PRKCA: variants seen among roughly 807,000 people sequenced by gnomAD.
PRKCA encodes protein kinase C alpha type.
A neutral mutation model predicts 87.0 loss-of-function variants in PRKCA; 27 were observed. That is an observed-to-expected ratio of 0.31 (90% CI 0.23 to 0.43). The LOEUF (loss-of-function observed/expected upper bound fraction) is 0.43, where lower values mean the gene tolerates loss of function less well. Among genes scored for constraint, PRKCA ranks in the 20% least tolerant of loss-of-function variants. PRKCA has a pLI of 1.00. For synonymous variants in PRKCA, 329 were observed against 311.1 expected, an observed-to-expected ratio of 1.06 and a Z score of -0.61; for missense variants, 518 against 852.3, an observed-to-expected ratio of 0.61 and a Z score of 4.88.
intron 2 of PRKCA, among the ~76,000 whole-genome samples, chr17:66,307,370 T>G (rs956948142): frequency 2.0e-5 from 3 of 152,172 alleles, no homozygotes; most frequent in African/African-American, 7.2e-5. Context: ...GCCTGAACTT[T>G]ATGGGTGAGA....
chr17:66,746,552 G>A (rs1974290876), intron 13 of PRKCA, among the ~76,000 whole-genome samples: 1 of 152,146 alleles, frequency 6.6e-6, no homozygotes, highest in South Asian at 2.1e-4. Context: ...TCATTATCTT[G>A]CATGGCATTC....
intron 11 of PRKCA, among the ~76,000 whole-genome samples, chr17:66,739,823 G>A (rs7220855): frequency 6.6e-6 from 1 of 152,114 alleles, no homozygotes; most frequent in African/African-American, 2.4e-5. Flanking sequence ...TAAGGAGCCT[G>A]GCTGTGGAGG....
At chr17:66,365,823 T>C (rs1298955241) in intron 2 of PRKCA, among the ~76,000 whole-genome samples, 1 of 152,234 alleles carries the variant, frequency 6.6e-6, no homozygotes, top group East Asian at 1.9e-4. Flanking sequence ...AAATGATTTA[T>C]TATGCACCAA....
Position 66,754,572 on chromosome 17 carries a change from A to G in PRKCA, c.1524+11812A>G, listed in dbSNP as rs143563827. Among the ~76,000 whole-genome samples, 28 of 152,298 alleles carry G rather than the reference A, an allele frequency of 1.8e-4. 1 individual carries two copies. The highest frequency in any genetic ancestry group is 3.5e-4 in the Non-Finnish European group (24 of 68,018). On this transcript the variant is annotated intron_variant, in intron 13 of 16. Transcript: ENST00000413366. ...CTGATTCACATTTGATTTATAGTCA[A>G]TATTACATTCTTAGTGCATCTCACC...
intron 3 of PRKCA, among the ~76,000 whole-genome samples, chr17:66,573,001 T>TTAA (rs1260956284): frequency 6.6e-6 from 1 of 152,112 alleles, no homozygotes; most frequent in Non-Finnish European, 1.5e-5. Flanking sequence ...TCTTGGGAAC[T>TTAA]TTTAAAAGTA....
At chr17:66,637,471 G>C (rs1440473823) in intron 3 of PRKCA, among the ~76,000 whole-genome samples, 1 of 152,100 alleles carries the variant, frequency 6.6e-6, no homozygotes, top group African/African-American at 2.4e-5. Flanking sequence ...TGGGATCCTG[G>C]CAAAAGTGGT....
At chr17:66,541,975 C>T (rs1376427759) in intron 3 of PRKCA, among the ~76,000 whole-genome samples, 1 of 152,196 alleles carries the variant, frequency 6.6e-6, no homozygotes, top group African/African-American at 2.4e-5. Context: ...TGATAACAAG[C>T]CACCACGTGG....
At chr17:66,749,805 G>A (rs779167807) in intron 13 of PRKCA, among the ~76,000 whole-genome samples, 1 of 152,156 alleles carries the variant, frequency 6.6e-6, no homozygotes, top group Non-Finnish European at 1.5e-5. Flanking sequence ...TCTTTAGCCA[G>A]GTGATTGGAA....
At chr17:66,491,508 G>A (rs890437606) in intron 2 of PRKCA, among the ~76,000 whole-genome samples, 2 of 152,188 alleles carry the variant, frequency 1.3e-5, no homozygotes, top group African/African-American at 4.8e-5. Flanking sequence ...AGGTCAGGCA[G>A]ATGTTTGTTG....
In PRKCA at chr17:66,804,113, A is replaced by G; in HGVS notation, c.*76A>G. ...TGGGAAGTGAATCCTTAACCCTAAAATTTTAAGGCCACGGCCTTGTGTCTG... is the reference window on the plus strand; with the variant it reads ...TGGGAAGTGAATCCTTAACCCTAAAGTTTTAAGGCCACGGCCTTGTGTCTG... On this transcript the variant is annotated 3_prime_UTR_variant, in exon 17 of 17. Coordinates refer to ENST00000413366, the MANE Select transcript of PRKCA (RefSeq NM_002737.3). 6.5e-7 allele frequency: 1 copy of G among 1,530,728 alleles called. No individual in the cohort carries two copies. The highest frequency in any genetic ancestry group is 8.8e-7 in the Non-Finnish European group (1 of 1,138,084). The allele number at this position is 1,530,728 out of a possible 1,614,324, so 94.8% of individuals were successfully genotyped here. A position where few individuals can be genotyped will look rare whatever the true frequency, so the allele number is the denominator to read the frequency against.
chr17:66,636,548 G>A (rs747432845), intron 3 of PRKCA, among the ~76,000 whole-genome samples: 6 of 152,210 alleles, frequency 3.9e-5, no homozygotes, highest in Non-Finnish European at 8.8e-5. Context: ...TATGAAGCCT[G>A]AGGGTGATTA....
chr17:66,529,514 G>T (rs1344023819), intron 3 of PRKCA, among the ~76,000 whole-genome samples: 1 of 152,138 alleles, frequency 6.6e-6, no homozygotes, highest in African/African-American at 2.4e-5. Context: ...ATCACTTGTG[G>T]GTGGAATTGA....
intron 2 of PRKCA, among the ~76,000 whole-genome samples, chr17:66,309,472 G>A (rs1904987180): frequency 6.6e-6 from 1 of 152,050 alleles, no homozygotes; most frequent in South Asian, 2.1e-4. Flanking sequence ...TGCAATATAG[G>A]TATACAATCC....
At chr17:66,482,669 T>C (rs900348319) in intron 2 of PRKCA, among the ~76,000 whole-genome samples, 2 of 152,212 alleles carry the variant, frequency 1.3e-5, no homozygotes, top group Non-Finnish European at 2.9e-5. Flanking sequence ...TTGTATGTGG[T>C]CATTGTATGA....
chr17:66,702,203 T>C (rs1445349627), intron 8 of PRKCA, among the ~76,000 whole-genome samples: 1 of 152,136 alleles, frequency 6.6e-6, no homozygotes, highest in African/African-American at 2.4e-5. Context: ...CATATATGTA[T>C]ATGTGTGTAT....
chr17:66,549,365 A>G (rs1280466917), intron 3 of PRKCA, among the ~76,000 whole-genome samples: 2 of 152,110 alleles, frequency 1.3e-5, no homozygotes, highest in East Asian at 3.9e-4. Flanking sequence ...TGTGACTGAT[A>G]ACAGGGTGGG....
At chr17:66,610,661 C>A (rs188241499) in intron 3 of PRKCA, among the ~76,000 whole-genome samples, 1 of 152,320 alleles carries the variant, frequency 6.6e-6, no homozygotes, top group Non-Finnish European at 1.5e-5. Context: ...TTTACTTCTG[C>A]AGAAGGGTGC....
rs540585383 is a variant in PRKCA, at chr17:66,773,734, C to T, written c.1525-253C>T. ...GAGGATAATTAAAACTACCTTCAGA[C>T]AGTGCTGTGGCATCTCCAGGTGGAT... On this transcript the variant is annotated intron_variant, in intron 13 of 16. Transcript: ENST00000413366. Among the ~76,000 whole-genome samples, 3 of 152,212 alleles carry T rather than the reference C, an allele frequency of 2.0e-5. No homozygotes were observed. In the East Asian group the frequency reaches 5.8e-4, roughly 29 times the overall value.
intron 8 of PRKCA, among the ~76,000 whole-genome samples, chr17:66,717,547 T>C (rs185375453): frequency 6.6e-6 from 1 of 152,312 alleles, no homozygotes; most frequent in Admixed American, 6.5e-5. Context: ...CCCAAGTTGC[T>C]TTTGAATTCT....
Sources: allele counts gnomAD v4.1 joint callset (sites outside exome capture counted in the v4.1 genomes callset), GRCh38; gene constraint gnomAD v4.1.1; transcripts MANE v1.5; gene names NCBI Gene and HGNC (gene_info 2026-07-23, HGNC 2026-07-21).